Variants in TSPEAR observed in about 807,000 individuals in gnomAD.
TSPEAR encodes the protein thrombospondin-type laminin G domain and EAR repeat-containing protein.
Under a neutral mutation model 71.6 loss-of-function variants are expected in TSPEAR, and 69 were observed. The observed-to-expected ratio is 0.96, with a 90% CI of 0.79 to 1.18. The LOEUF (loss-of-function observed/expected upper bound fraction) is 1.18, where lower values mean the gene tolerates loss of function less well. Among genes scored for constraint, TSPEAR ranks in the 50% most tolerant of loss-of-function variants. The probability of loss-of-function intolerance (pLI) is 0.00; values close to 1 mark genes in which losing one functional copy is unlikely to be tolerated. For synonymous variants in TSPEAR, 402 were observed against 387.2 expected, an observed-to-expected ratio of 1.04 and a Z score of -0.45; for missense variants, 971 against 894.9, an observed-to-expected ratio of 1.09 and a Z score of -1.09.
At chr21:44,507,079 G>A (rs1426443543) in intron 10 of TSPEAR, 1 of 152,234 alleles carries the variant, frequency 6.6e-6, no homozygotes, top group South Asian at 2.1e-4. Flanking sequence ...CGGAGGACAC[G>A]GTGCTGCGAG....
rs782216768 is a variant in TSPEAR at position 44,637,804 on chromosome 21, G to A, written c.83-69799C>T. The stretch of plus-strand genomic sequence containing the variant: ...AGTCTTCCCCTTCATGCTGCCAGCA[G>A]TCTAGCTGCCAGCCAACTTGCTGCA... On this transcript the variant is annotated intron_variant, in intron 1 of 11. Coordinates refer to ENST00000323084, the MANE Select transcript of TSPEAR (RefSeq NM_144991.3). The A allele has an allele frequency of 8.8e-6, 12 of 1,368,256 alleles. 1 individual carries two copies. The South Asian group carries it at 1.2e-4, about 14-fold the overall frequency. 84.8% of individuals were successfully genotyped at this position (1,368,256 alleles called of 1,614,324 possible).
In TSPEAR at chr21:44,607,862, G is replaced by A. The variant is rs587642656; in HGVS notation, c.83-39857C>T. On this transcript the variant is annotated intron_variant, in intron 1 of 11. Coordinates refer to ENST00000323084, the MANE Select transcript of TSPEAR (RefSeq NM_144991.3). The stretch of plus-strand genomic sequence containing the variant: ...GCCCCACACACTCCACCTCCTGTGT[G>A]TTTACCCAAGAGAAGTGAAATCATA... Among the ~76,000 whole-genome samples, 7 of 152,326 alleles carry A rather than the reference G, an allele frequency of 4.6e-5. No homozygotes were observed. In the South Asian group the frequency reaches 1.5e-3, roughly 32 times the overall value.
At chr21:44,689,282 C>T in intron 1 of TSPEAR, among the ~76,000 whole-genome samples, 1 of 152,136 alleles carries the variant, frequency 6.6e-6, no homozygotes, top group South Asian at 2.1e-4. Flanking sequence ...GCGGGCGGAT[C>T]ACGAGGTCAG....
Position 44,531,991 on chromosome 21 carries a change from C to T in TSPEAR, c.543-858G>A, listed in dbSNP as rs587698271. Among the ~76,000 whole-genome samples the T allele has an allele frequency of 3.1e-4, 48 of 152,384 alleles. 1 individual carries two copies. In the South Asian group the frequency reaches 9.9e-3, roughly 32 times the overall value. On this transcript the variant is annotated intron_variant, in intron 3 of 11. Transcript: ENST00000323084. ...GCTCCTTCCAGTCTTTGCCATCTGG[C>T]TGCAGCTGGCCGTGGTGAGCTCAGC... is the stretch of plus-strand genomic sequence containing the variant.
In TSPEAR at chr21:44,533,882, G is replaced by A. The variant is rs375345671; in HGVS notation, c.345C>T (p.Asp115=). 7.4e-6 allele frequency: 12 copies of A among 1,612,004 alleles called. No homozygotes were observed. The African/African-American group carries it at 1.6e-4, about 22-fold the overall frequency. Residue 115 remains aspartate, a synonymous_variant, in exon 3 of 12, where the codon GAC becomes GAT. Coordinates refer to ENST00000323084, the MANE Select transcript of TSPEAR (RefSeq NM_144991.3). ...ACAACCGCAGGCCGAGCAGCAGCAG[G>A]TCGCTCTCCTCTGCCACCACCGTCA... The part of the protein sequence containing the change: ...YLLTVVAEES[D]LLLLGLRLSP...
At chr21:44,703,106 C>A (rs1987736727) in intron 1 of TSPEAR, among the ~76,000 whole-genome samples, 1 of 152,238 alleles carries the variant, frequency 6.6e-6, no homozygotes, top group African/African-American at 2.4e-5. Context: ...GCCGCCCTTG[C>A]CCACCACGTG....
intron 9 of TSPEAR, among the ~76,000 whole-genome samples, chr21:44,512,426 C>T (rs1359044378): frequency 4.0e-5 from 6 of 151,890 alleles, no homozygotes; most frequent in Admixed American, 3.3e-4. Flanking sequence ...TCAGAGAACT[C>T]GGTACATCCC....
At chr21:44,590,283 G>A (rs76726471) in intron 1 of TSPEAR, among the ~76,000 whole-genome samples, 22 of 152,318 alleles carry the variant, frequency 1.4e-4, no homozygotes, top group South Asian at 6.2e-4. Flanking sequence ...ACGCGGTATC[G>A]TGGACCACGT....
In TSPEAR at chr21:44,511,557, C is replaced by T. The variant is rs148193094; in HGVS notation, c.1567-2171G>A. Among the ~76,000 whole-genome samples the T allele has an allele frequency of 7.2e-5, 11 of 152,328 alleles. No homozygotes were observed. The East Asian group carries it at 1.5e-3, about 21-fold the overall frequency. On this transcript the variant is annotated intron_variant, in intron 9 of 11. Coordinates refer to ENST00000323084, the MANE Select transcript of TSPEAR (RefSeq NM_144991.3). ...GTATACTTGCACACATGCCTGTACACAGGCAGATCCCTGCAGGCACACCCA... is the reference window on the plus strand; with the variant it reads ...GTATACTTGCACACATGCCTGTACATAGGCAGATCCCTGCAGGCACACCCA...
At position 44,612,727 on chromosome 21, in the gene TSPEAR, G is replaced by A. The variant is rs1328125616; in HGVS notation, c.83-44722C>T. On this transcript the variant is annotated intron_variant, in intron 1 of 11. Transcript: ENST00000323084. The surrounding 1 kb of genome is among the most constrained non-coding windows in gnomAD (Gnocchi z 4.1). ...CCTGCTGCAGACCCTCCTCCTCCGT[G>A]TCCCTCCTCTGCCGCCCTGTGTGCC... 1.2e-6 allele frequency: 2 copies of A among 1,613,608 alleles called. No homozygotes were observed. The highest frequency in any genetic ancestry group is 1.7e-6 in the Non-Finnish European group (2 of 1,179,928).
intron 2 of TSPEAR, among the ~76,000 whole-genome samples, chr21:44,561,739 A>G (rs1328820955): frequency 6.6e-6 from 1 of 152,258 alleles, no homozygotes; most frequent in Non-Finnish European, 1.5e-5. Context: ...CCACATGATT[A>G]TCTCAATAGA....
chr21:44,586,615 C>T (rs587756615), intron 1 of TSPEAR, among the ~76,000 whole-genome samples: 1 of 152,050 alleles, frequency 6.6e-6, no homozygotes, highest in East Asian at 1.9e-4. Flanking sequence ...CAATCAGCAC[C>T]ACTCCCCATG....
At position 44,628,444 on chromosome 21, in the gene TSPEAR, TG is replaced by T. The variant is rs1349505551; in HGVS notation, c.83-60440del. ...GGCAGAGTGGGGCCTGGCCTGGCTC[TG>T]GGGGGCTGGGCCCCGTGGATCTCTT... On this transcript the variant is annotated intron_variant, in intron 1 of 11. Transcript: ENST00000323084. Among the ~76,000 whole-genome samples the T allele has an allele frequency of 5.9e-5, 9 of 151,766 alleles. No individual in the cohort carries two copies. The East Asian group carries it at 9.7e-4, about 16-fold the overall frequency.
chr21:44,676,281 G>T, intron 1 of TSPEAR: 1 of 1,231,660 alleles, frequency 8.1e-7, no homozygotes, highest in South Asian at 1.2e-5. Context: ...CATGGGTCAG[G>T]GACTCTGGAG....
At chr21:44,565,346 T>C (rs1267674685) in intron 2 of TSPEAR, among the ~76,000 whole-genome samples, 2 of 152,184 alleles carry the variant, frequency 1.3e-5, no homozygotes, top group Non-Finnish European at 2.9e-5. Flanking sequence ...GAAGTATTAC[T>C]TCCTAACTCA....
chr21:44,650,501 C>T (rs1041946430), intron 1 of TSPEAR, among the ~76,000 whole-genome samples: 1 of 64,952 alleles, frequency 1.5e-5, no homozygotes, highest in African/African-American at 7.8e-5. Context: ...TGGGCAATGC[C>T]CCTGCAGGCC....
intron 1 of TSPEAR, among the ~76,000 whole-genome samples, chr21:44,706,501 C>A (rs1473610799): frequency 1.3e-5 from 2 of 150,672 alleles, no homozygotes; most frequent in African/African-American, 4.9e-5. Context: ...GCGCACACAC[C>A]GCTGTCCCCA....
chr21:44,678,096 G>C (rs143569223), intron 1 of TSPEAR: 2 of 644,972 alleles, frequency 3.1e-6, no homozygotes, highest in East Asian at 5.6e-5. Flanking sequence ...TCTGTCGAGC[G>C]GACGGTGCTG....
chr21:44,563,482 T>C (rs782740632), intron 2 of TSPEAR, among the ~76,000 whole-genome samples: 14 of 151,882 alleles, frequency 9.2e-5, no homozygotes, highest in Non-Finnish European at 1.6e-4. Flanking sequence ...AAGGAAAAAC[T>C]AAAACAGTGT....
Sources: gnomAD v4.1 joint callset for allele counts (sites outside exome capture counted in the v4.1 genomes callset) on GRCh38, gnomAD v4.1.1 for gene constraint, Gnocchi (gnomAD v3.1) non-coding constraint, MANE v1.5 for transcripts, NCBI Gene and HGNC (gene_info 2026-07-23, HGNC 2026-07-21) for gene names.